The following ZSWIM4 variants were observed in gnomAD, a reference collection of about 807,000 sequenced individuals.
The protein encoded by ZSWIM4 is zinc finger SWIM domain-containing protein 4.
Under a neutral mutation model 102.5 loss-of-function variants are expected in ZSWIM4, and 62 were observed. The observed-to-expected ratio is 0.60, with a 90% confidence interval of 0.49 to 0.75. ZSWIM4 has a LOEUF of 0.75. ZSWIM4 is among the 30% of genes least tolerant of loss of function. ZSWIM4 has a pLI of 0.00. For synonymous variants in ZSWIM4, 652 were observed against 674.5 expected, an observed-to-expected ratio of 0.97 and a Z score of 0.52; for missense variants, 1,280 against 1,529.6, an observed-to-expected ratio of 0.84 and a Z score of 2.72.
rs1287936149 is a variant in ZSWIM4, at chr19:13,795,527, G to C, written c.-122G>C. ...GTGGGTGCGGTAGGGGTCCCGGGGC[G>C]GCCGAGCGCAGAGGACGGACGGGAA... is the stretch of plus-strand genomic sequence containing the variant. On this transcript the variant is annotated 5_prime_UTR_variant, in exon 1 of 14. Transcript: ENST00000590508. The C allele has an allele frequency of 1.9e-5, 4 of 210,044 alleles. No homozygotes were observed. In the East Asian group the frequency reaches 4.9e-4, roughly 25 times the overall value. 13.0% of individuals were successfully genotyped at this position (210,044 alleles called of 1,614,324 possible). A position where few individuals can be genotyped will look rare whatever the true frequency, so the allele number is the denominator to read the frequency against.
At chr19:13,816,766 T>C (rs996949941) in intron 7 of ZSWIM4, among the ~76,000 whole-genome samples, 1 of 152,124 alleles carries the variant, frequency 6.6e-6, no homozygotes, top group East Asian at 1.9e-4. Flanking sequence ...AGGACGAGGC[T>C]GGAGGATTGG....
intron 7 of ZSWIM4, chr19:13,815,346 T>G (rs1477843946): frequency 6.6e-6 from 1 of 151,638 alleles, no homozygotes; most frequent in Non-Finnish European, 1.5e-5. Context: ...TTAGTAGAGA[T>G]GGGGTTTCTC....
intron 5 of ZSWIM4, 39 bp from the exon 6 acceptor site, chr19:13,812,958 T>C: frequency 1.3e-6 from 2 of 1,565,508 alleles, no homozygotes; most frequent in Non-Finnish European, 1.7e-6. Context: ...TTGCTGCCAC[T>C]GTTGGCAGGA....
chr19:13,807,388 C>T (rs1974946127), intron 3 of ZSWIM4, among the ~76,000 whole-genome samples: 1 of 151,864 alleles, frequency 6.6e-6, no homozygotes. Flanking sequence ...GGTTGTGTTT[C>T]AGGTGAGACA....
In ZSWIM4 at chr19:13,830,830, A is replaced by AC; in HGVS notation, c.3102dup (p.Ala1035ArgfsTer131). 6.2e-7 allele frequency: 1 copy of AC among 1,609,312 alleles called. No homozygotes were observed. Among genetic ancestry groups the AC allele is most frequent in the Non-Finnish European group, 8.5e-7 (1 of 1,176,916 alleles). On this transcript the variant is annotated frameshift_variant, in exon 14 of 14. Coordinates refer to ENST00000590508, the MANE Select transcript of ZSWIM4 (RefSeq NM_001367834.3). LOFTEE classifies it high-confidence loss of function. The stretch of plus-strand genomic sequence containing the variant: ...CGGGCGCCGCTCTGCCAGCTCCTGG[A>AC]CGCGGCAGTCACCGCCTACATCACC...
chr19:13,819,626 T>TCAAATGCCAGGG, intron 10 of ZSWIM4, 134 bp downstream of exon 10: 1 of 823,342 alleles, frequency 1.2e-6, no homozygotes, highest in East Asian at 3.0e-5. Context: ...ACCCTGGCAT[T>TCAAATGCCAGGG]TGATGATGCC....
In ZSWIM4 at chr19:13,809,186, G is replaced by A; in HGVS notation, c.978G>A (p.Met326Ile). The A allele has an allele frequency of 6.2e-7, 1 of 1,611,790 alleles. No homozygotes were observed. Residue 326 changes from methionine (M) to isoleucine (I), a missense_variant, in exon 5 of 14, where the codon ATG (methionine) becomes ATA (isoleucine). Coordinates refer to ENST00000590508, the MANE Select transcript of ZSWIM4 (RefSeq NM_001367834.3). The surrounding 1 kb of genome is among the most constrained non-coding windows in gnomAD (Gnocchi z 4.2). Reference protein sequence around the residue: ...LALWRQQGAGMTDKCRQLWDE... With the variant: ...LALWRQQGAGITDKCRQLWDE... ...TGTGGCGGCAGCAGGGCGCGGGCAT[G>A]ACGGACAAGTGCCGGCAGCTCTGGG...
chr19:13,806,132 TC>T (rs1974914576), intron 3 of ZSWIM4, among the ~76,000 whole-genome samples: 1 of 151,024 alleles, frequency 6.6e-6, no homozygotes, highest in Admixed American at 6.6e-5. Context: ...AACCTCTGCC[TC>T]CTGGGTTCAA....
chr19:13,830,214 A>C lies in ZSWIM4; in HGVS notation c.2485A>C (p.Met829Leu). Residue 829 changes from methionine (M) to leucine (L), a missense_variant, in exon 14 of 14, where the codon ATG (methionine) becomes CTG (leucine). Coordinates refer to ENST00000590508, the MANE Select transcript of ZSWIM4 (RefSeq NM_001367834.3). ...EIGPQALMNI[M>L]QNWYSLFTPV... is the part of the protein sequence containing the mutation. Reference sequence around the variant, plus strand: ...AGGCCCGCAAGCCCTGATGAATATCATGCAGAACTGGTATTCCTTATTCAC... The same window carrying C: ...AGGCCCGCAAGCCCTGATGAATATCCTGCAGAACTGGTATTCCTTATTCAC... 6.2e-7 allele frequency: 1 copy of C among 1,613,356 alleles called. No homozygotes were observed. Among genetic ancestry groups the C allele is most frequent in the Non-Finnish European group, 8.5e-7 (1 of 1,179,846 alleles).
chr19:13,831,136 C>T lies in ZSWIM4; in HGVS notation c.*86C>T, dbSNP rs963870200. ...CTCCAATTAGGCCCACGTGGCATTT[C>T]AGTATTATTAAGTCAGGGAAGGAGC... On this transcript the variant is annotated 3_prime_UTR_variant, in exon 14 of 14. Transcript: ENST00000590508. 6.7e-7 allele frequency: 1 copy of T among 1,486,454 alleles called. No individual in the cohort carries two copies. Among genetic ancestry groups the T allele is most frequent in the African/African-American group, 1.4e-5 (1 of 71,236 alleles). 92.1% of individuals were successfully genotyped at this position (1,486,454 alleles called of 1,614,324 possible). A position where few individuals can be genotyped will look rare whatever the true frequency, so the allele number is the denominator to read the frequency against.
At chr19:13,800,204 A>G (rs1974725599) in intron 2 of ZSWIM4, among the ~76,000 whole-genome samples, 1 of 135,310 alleles carries the variant, frequency 7.4e-6, no homozygotes, top group Admixed American at 7.9e-5. Context: ...AGCTGGGATT[A>G]CAGGCGCCCG....
chr19:13,829,183 AG>A (rs143818398), intron 13 of ZSWIM4, among the ~76,000 whole-genome samples: 6,222 of 151,712 alleles, frequency 0.041, 419 homozygotes, highest in African/African-American at 0.14. Context: ...CGGAGGGCTG[AG>A]GTGGGAAAAT....
At position 13,799,738 on chromosome 19, in the gene ZSWIM4, C is replaced by A; in HGVS notation, c.172C>A (p.Arg58=). The change falls in exon 2 of 14, where the codon CGG becomes AGG. Residue 58 remains arginine (R), a synonymous_variant. Coordinates refer to ENST00000590508, the MANE Select transcript of ZSWIM4 (RefSeq NM_001367834.3). ...AFEQVEERFS[R]VPEPVQKRIV... Reference sequence around the variant, plus strand: ...CCTACAGGTGGAGGAGCGGTTCTCCCGGGTGCCTGAGCCCGTCCAGAAGCG... The same window carrying A: ...CCTACAGGTGGAGGAGCGGTTCTCCAGGGTGCCTGAGCCCGTCCAGAAGCG... 6.2e-7 allele frequency: 1 copy of A among 1,614,004 alleles called. No individual in the cohort carries two copies. The highest frequency in any genetic ancestry group is 8.5e-7 in the Non-Finnish European group (1 of 1,179,982).
chr19:13,819,362 C>G lies in ZSWIM4; in HGVS notation c.1930C>G (p.Pro644Ala). The G allele has an allele frequency of 6.2e-7, 1 of 1,613,922 alleles. No individual in the cohort carries two copies. The highest frequency in any genetic ancestry group is 1.1e-5 in the South Asian group (1 of 91,008). ...KQAGLLLEGG[P>A]FSGFGEVLFR... ...AGCTCAGGCTGTTCCTGCAGGGGGT[C>G]CCTTCAGTGGCTTTGGGGAGGTGCT... The change falls in exon 10 of 14, where the codon CCC (proline) becomes GCC (alanine). Residue 644 changes from proline to alanine, a missense_variant. Physicochemically the swap from Pro to Ala is conservative, Grantham distance 27 (BLOSUM62 -1). Coordinates refer to ENST00000590508, the MANE Select transcript of ZSWIM4 (RefSeq NM_001367834.3).
chr19:13,816,498 G>A (rs951925811), intron 7 of ZSWIM4, among the ~76,000 whole-genome samples: 4 of 152,056 alleles, frequency 2.6e-5, no homozygotes, highest in East Asian at 1.9e-4. Flanking sequence ...GTGGTGGCAC[G>A]TACCTGTATT....
intron 5 of ZSWIM4, 78 bp from the exon 6 acceptor site, chr19:13,812,919 G>T: frequency 6.9e-6 from 10 of 1,457,982 alleles, no homozygotes; most frequent in Non-Finnish European, 9.3e-6. Context: ...TCATCAGGTG[G>T]CACACAGTGG....
At chr19:13,811,214 C>T (rs577838534) in intron 5 of ZSWIM4, among the ~76,000 whole-genome samples, 1 of 152,232 alleles carries the variant, frequency 6.6e-6, no homozygotes, top group East Asian at 1.9e-4. Flanking sequence ...CACCGGCCAA[C>T]ATGTGTTTTC....
chr19:13,806,320 G>T (rs1368626447), intron 3 of ZSWIM4, among the ~76,000 whole-genome samples: 4 of 151,752 alleles, frequency 2.6e-5, no homozygotes, highest in Non-Finnish European at 4.4e-5. Flanking sequence ...TGGGATTACA[G>T]GTGTGAGCCA....
intron 1 of ZSWIM4, 70 bp from the exon 2 acceptor site, chr19:13,799,650 C>T: frequency 6.7e-7 from 1 of 1,481,624 alleles, no homozygotes; most frequent in South Asian, 1.1e-5. Flanking sequence ...AGCGATCCTC[C>T]CTCCTAAGCT....
Sources: gnomAD v4.1 joint callset for allele counts (sites outside exome capture counted in the v4.1 genomes callset) on GRCh38, gnomAD v4.1.1 for gene constraint, Gnocchi (gnomAD v3.1) non-coding constraint, MANE v1.5 for transcripts, NCBI Gene and HGNC (gene_info 2026-07-23, HGNC 2026-07-21) for gene names.